The following NMNAT2 variants were observed in gnomAD, a reference collection of about 807,000 sequenced individuals.
NMNAT2 encodes the protein nicotinamide/nicotinic acid mononucleotide adenylyltransferase 2.
In NMNAT2, 11 loss-of-function variants were observed where a neutral mutation model predicts 41.6. That is an observed-to-expected ratio of 0.26 (90% confidence interval 0.17 to 0.44). NMNAT2 has a LOEUF of 0.44. NMNAT2 is among the 20% of genes least tolerant of loss of function. The pLI is 1.00. For missense variants in NMNAT2, 288 were observed against 407.7 expected (o/e 0.71, Z 2.53); for synonymous variants, 148 against 151.2 (o/e 0.98, Z 0.16).
In NMNAT2 at chr1:183,262,170, A is replaced by G. The variant is rs551518297; in HGVS notation, c.652-867T>C. On this transcript the variant is annotated intron_variant, in intron 8 of 10. Transcript: ENST00000287713. The stretch of plus-strand genomic sequence containing the variant: ...GGTCTCAAACTCTGGGACCCAAGTG[A>G]TCATCCCACCTCAGCCTCCCAAAGT... 2.3e-3 allele frequency among the ~76,000 whole-genome samples: 347 copies of G among 152,222 alleles called. 2 individuals are homozygous for G. The highest frequency in any genetic ancestry group is 4.1e-3 in the Non-Finnish European group (279 of 68,008).
intron 1 of NMNAT2, among the ~76,000 whole-genome samples, chr1:183,409,442 G>C (rs1284757845): frequency 6.6e-6 from 1 of 151,964 alleles, no homozygotes; most frequent in Non-Finnish European, 1.5e-5. Context: ...TCAGCCTCCA[G>C]AGTAGCTGGG....
chr1:183,370,552 C>T (rs960997497), intron 1 of NMNAT2, among the ~76,000 whole-genome samples: 1 of 152,186 alleles, frequency 6.6e-6, no homozygotes, highest in African/African-American at 2.4e-5. Flanking sequence ...TAGAAGGAAA[C>T]TGAAAAACCT....
chr1:183,296,549 G>C (rs1043752703), intron 1 of NMNAT2, among the ~76,000 whole-genome samples: 1 of 150,762 alleles, frequency 6.6e-6, no homozygotes, highest in Non-Finnish European at 1.5e-5. Context: ...GTCTAGCTCT[G>C]TTGCCCAGGC....
intron 10 of NMNAT2, among the ~76,000 whole-genome samples, chr1:183,256,447 G>A (rs951287411): frequency 6.6e-6 from 1 of 152,062 alleles, no homozygotes; most frequent in Admixed American, 6.5e-5. Flanking sequence ...TTAAAAAATG[G>A]CCTTCGTTAT....
At chr1:183,304,725 T>C (rs780594537) in intron 1 of NMNAT2, 7 of 1,614,086 alleles carry the variant, frequency 4.3e-6, no homozygotes, top group Non-Finnish European at 4.2e-6. Flanking sequence ...TTTCCTCTAG[T>C]TCCTGGATTT....
At chr1:183,258,828 G>A (rs1167594537) in intron 10 of NMNAT2, among the ~76,000 whole-genome samples, 4 of 151,916 alleles carry the variant, frequency 2.6e-5, no homozygotes, top group African/African-American at 4.8e-5. Flanking sequence ...AGACAGCTTC[G>A]ACTCCCTGTG....
intron 1 of NMNAT2, among the ~76,000 whole-genome samples, chr1:183,417,402 A>G (rs12035399): frequency 0.38 from 57,476 of 151,880 alleles, 12,437 homozygotes; most frequent in East Asian, 0.65. Context: ...TAGACGCCTC[A>G]AGCCTTCCGA....
intron 1 of NMNAT2, among the ~76,000 whole-genome samples, chr1:183,297,276 C>T (rs1214366548): frequency 7.2e-5 from 11 of 151,784 alleles, no homozygotes; most frequent in East Asian, 1.9e-4. Context: ...AATCAAATTA[C>T]GAAAGTAAAA....
chr1:183,271,304 C>T (rs183752754), intron 8 of NMNAT2, among the ~76,000 whole-genome samples: 3 of 152,272 alleles, frequency 2.0e-5, no homozygotes, highest in Non-Finnish European at 4.4e-5. Flanking sequence ...TTCAACCAAC[C>T]AGAACCATCT....
At chr1:183,258,245 A>G (rs945041251) in intron 10 of NMNAT2, among the ~76,000 whole-genome samples, 1 of 152,194 alleles carries the variant, frequency 6.6e-6, no homozygotes, top group Non-Finnish European at 1.5e-5. Context: ...TCAGACCCAA[A>G]CGAACTATTT....
rs369352701 is a variant in NMNAT2, at chr1:183,294,640, CTT to C, written c.86-849_86-848del. On this transcript the variant is annotated intron_variant, in intron 1 of 10. Transcript: ENST00000287713. ...ACCCTTTTCTACTAAAAATACAAAA[CTT>C]AGCCAGACGCGGTGGCAGGCGCCTG... Among the ~76,000 whole-genome samples, 34 of 152,198 alleles carry C rather than the reference CTT, an allele frequency of 2.2e-4. 1 individual carries two copies. The highest frequency in any genetic ancestry group is 7.2e-4 in the African/African-American group (30 of 41,532).
At chr1:183,257,646 T>G (rs1330204026) in intron 10 of NMNAT2, among the ~76,000 whole-genome samples, 1 of 152,194 alleles carries the variant, frequency 6.6e-6, no homozygotes, top group Non-Finnish European at 1.5e-5. Flanking sequence ...GGTTACCAAA[T>G]TTGTTTGCAT....
At chr1:183,391,962 C>T (rs549950834) in intron 1 of NMNAT2, among the ~76,000 whole-genome samples, 122 of 152,290 alleles carry the variant, frequency 8.0e-4, no homozygotes, top group African/African-American at 2.9e-3. Context: ...ATGGCAGTGC[C>T]CCAGGATTCA....
chr1:183,377,817 G>A (rs1663712700), intron 1 of NMNAT2, among the ~76,000 whole-genome samples: 1 of 152,084 alleles, frequency 6.6e-6, no homozygotes, highest in Admixed American at 6.5e-5. Flanking sequence ...TATCAGATTA[G>A]GAATTCAAAA....
chr1:183,294,467 T>C (rs749097019), intron 1 of NMNAT2, among the ~76,000 whole-genome samples: 12 of 152,206 alleles, frequency 7.9e-5, no homozygotes, highest in Admixed American at 6.5e-5. Flanking sequence ...AAAGTCTGGT[T>C]CTATCTTACT....
At chr1:183,292,144 C>G (rs1220002363) in intron 3 of NMNAT2, among the ~76,000 whole-genome samples, 1 of 152,204 alleles carries the variant, frequency 6.6e-6, no homozygotes, top group East Asian at 1.9e-4. Context: ...TCTTATCATG[C>G]AAATTATAAC....
intron 1 of NMNAT2, among the ~76,000 whole-genome samples, chr1:183,378,818 A>C (rs1462246469): frequency 2.7e-5 from 4 of 148,832 alleles, no homozygotes; most frequent in African/African-American, 9.9e-5. Flanking sequence ...CCATGGCAGC[A>C]GATTGCTTAA....
chr1:183,417,558 G>A (rs971663679), intron 1 of NMNAT2, among the ~76,000 whole-genome samples: 4 of 152,172 alleles, frequency 2.6e-5, no homozygotes, highest in African/African-American at 7.2e-5. Context: ...GGCGGAAAAG[G>A]GCCCCCTCCC....
intron 1 of NMNAT2, among the ~76,000 whole-genome samples, chr1:183,351,761 G>T (rs180685592): frequency 1.3e-5 from 2 of 152,314 alleles, no homozygotes; most frequent in East Asian, 1.9e-4. Flanking sequence ...TGGGTGAGCT[G>T]CTGGTCCTTC....
Sources: allele counts gnomAD v4.1 joint callset (sites outside exome capture counted in the v4.1 genomes callset), GRCh38; gene constraint gnomAD v4.1.1; transcripts MANE v1.5; gene names NCBI Gene and HGNC (gene_info 2026-07-23, HGNC 2026-07-21).